CNBD1: variants seen among roughly 807,000 people sequenced by gnomAD.
CNBD1 encodes cyclic nucleotide-binding domain-containing protein 1.
In CNBD1, 71 loss-of-function variants were observed where a neutral mutation model predicts 54.4. The observed-to-expected ratio is 1.30, with a 90% confidence interval of 1.08 to 1.59. The LOEUF (loss-of-function observed/expected upper bound fraction) is 1.59, where lower values mean the gene tolerates loss of function less well. CNBD1 is among the 40% of genes most tolerant of loss of function. The pLI is 0.00. For synonymous variants in CNBD1, 182 were observed against 170.7 expected (o/e 1.07, Z -0.51); for missense variants, 659 against 518.0 (o/e 1.27, Z -2.64).
chr8:87,381,104 T>C (rs555975623), intron 10 of CNBD1, among the ~76,000 whole-genome samples: 1 of 152,114 alleles, frequency 6.6e-6, no homozygotes, highest in African/African-American at 2.4e-5. Flanking sequence ...AGGCAACCTA[T>C]AGAATGGGAG....
chr8:87,294,957 AT>A (rs777610397), intron 8 of CNBD1, among the ~76,000 whole-genome samples: 7 of 151,076 alleles, frequency 4.6e-5, no homozygotes, highest in Admixed American at 1.3e-4. Flanking sequence ...TTCTGTGACA[AT>A]TTTTTTTTAC....
At chr8:87,116,900 C>G (rs1225515330) in intron 4 of CNBD1, among the ~76,000 whole-genome samples, 1 of 152,134 alleles carries the variant, frequency 6.6e-6, no homozygotes, top group Non-Finnish European at 1.5e-5. Context: ...CCCCTATTTT[C>G]TTAACAGTTC....
intron 5 of CNBD1, among the ~76,000 whole-genome samples, chr8:87,208,825 G>A (rs1021064810): frequency 4.6e-5 from 7 of 151,640 alleles, no homozygotes; most frequent in Non-Finnish European, 1.0e-4. Flanking sequence ...CCACTTTTAT[G>A]AGATTGTATC....
In CNBD1 at chr8:87,043,630, A is replaced by G. The variant is rs1042714303; in HGVS notation, c.431+103876A>G. On this transcript the variant is annotated intron_variant, in intron 4 of 10. Coordinates refer to ENST00000518476, the MANE Select transcript of CNBD1 (RefSeq NM_173538.3). ...GAAACAGCTCTGCTATATGCTCATC[A>G]CATAGGAGCTGTAGCTAACCAGCAG... Among the ~76,000 whole-genome samples, 17 of 152,246 alleles carry G rather than the reference A, an allele frequency of 1.1e-4. No homozygotes were observed. The East Asian group carries it at 3.3e-3, about 29-fold the overall frequency.
chr8:87,354,038 G>A (rs778831292), intron 10 of CNBD1, among the ~76,000 whole-genome samples: 4 of 152,016 alleles, frequency 2.6e-5, no homozygotes, highest in Non-Finnish European at 5.9e-5. Context: ...ACTTGATGCC[G>A]AGGTTTGATG....
chr8:87,248,728 A>T (rs1807856434), intron 6 of CNBD1, among the ~76,000 whole-genome samples: 1 of 152,194 alleles, frequency 6.6e-6, no homozygotes, highest in Admixed American at 6.5e-5. Context: ...GCAGTCACAG[A>T]GTCTTTTGAT....
intron 8 of CNBD1, among the ~76,000 whole-genome samples, chr8:87,306,053 C>T (rs1027471851): frequency 1.3e-5 from 2 of 151,882 alleles, no homozygotes; most frequent in Non-Finnish European, 2.9e-5. Context: ...TCAAATACAA[C>T]AGTAAGAAAA....
Position 86,866,453 on chromosome 8 carries a change from C to T in CNBD1, c.-43C>T. 6.8e-7 allele frequency: 1 copy of T among 1,464,948 alleles called. No individual in the cohort carries two copies. Among genetic ancestry groups the T allele is most frequent in the Non-Finnish European group, 9.5e-7 (1 of 1,056,788 alleles). The allele number at this position is 1,464,948 out of a possible 1,614,324, so 90.7% of individuals were successfully genotyped here. A position where few individuals can be genotyped will look rare whatever the true frequency, so the allele number is the denominator to read the frequency against. On this transcript the variant is annotated 5_prime_UTR_variant, in exon 1 of 11. Transcript: ENST00000518476. Reference sequence around the variant, plus strand: ...GCAGGCAAAGAGTGATCATTTGCCTCTCAAGCAGCCTCTGGTCATCTATCT... The same window carrying T: ...GCAGGCAAAGAGTGATCATTTGCCTTTCAAGCAGCCTCTGGTCATCTATCT...
At chr8:87,308,712 T>C (rs1809205563) in intron 8 of CNBD1, among the ~76,000 whole-genome samples, 1 of 152,174 alleles carries the variant, frequency 6.6e-6, no homozygotes. Context: ...ACTATAATTT[T>C]GTACCCATTA....
chr8:87,160,010 A>G (rs1471150523), intron 4 of CNBD1, among the ~76,000 whole-genome samples: 1 of 151,980 alleles, frequency 6.6e-6, no homozygotes, highest in African/African-American at 2.4e-5. Context: ...GAAGCCTCAT[A>G]TCTGATGTTT....
chr8:87,128,588 A>G (rs901032396), intron 4 of CNBD1, among the ~76,000 whole-genome samples: 1 of 152,148 alleles, frequency 6.6e-6, no homozygotes, highest in Non-Finnish European at 1.5e-5. Flanking sequence ...TGTGATGGAT[A>G]ATGGATTTGA....
At chr8:87,422,922 C>G (rs1001916062) in intron 2 of CNBD1, among the ~76,000 whole-genome samples, 1 of 151,952 alleles carries the variant, frequency 6.6e-6, no homozygotes, top group Non-Finnish European at 1.5e-5. Context: ...AATGTTCTTC[C>G]GTTTGTTTGT....
At chr8:87,034,260 T>C (rs1024372444) in intron 4 of CNBD1, among the ~76,000 whole-genome samples, 10 of 152,242 alleles carry the variant, frequency 6.6e-5, no homozygotes, top group African/African-American at 2.4e-4. Context: ...TCCCAAGGTA[T>C]CATAATATCA....
At chr8:86,894,220 C>G (rs1369039613) in intron 2 of CNBD1, among the ~76,000 whole-genome samples, 3 of 149,052 alleles carry the variant, frequency 2.0e-5, no homozygotes, top group Non-Finnish European at 4.5e-5. Context: ...CGCCACCGCG[C>G]CCGGCTAATT....
chr8:87,018,949 A>G (rs1214954460), intron 4 of CNBD1, among the ~76,000 whole-genome samples: 2 of 152,154 alleles, frequency 1.3e-5, no homozygotes, highest in African/African-American at 4.8e-5. Context: ...TTTTGCATCC[A>G]CCCCAACCAT....
intron 4 of CNBD1, among the ~76,000 whole-genome samples, chr8:86,972,314 A>G (rs1246984087): frequency 1.3e-5 from 2 of 152,150 alleles, no homozygotes; most frequent in Non-Finnish European, 2.9e-5. Flanking sequence ...TTTTTAATGT[A>G]TTTTGTTTTA....
chr8:87,068,613 G>A (rs888316576), intron 4 of CNBD1, among the ~76,000 whole-genome samples: 1 of 152,012 alleles, frequency 6.6e-6, no homozygotes, highest in Non-Finnish European at 1.5e-5. Flanking sequence ...AAAAGCAAGG[G>A]ATATATAGTA....
At chr8:87,145,184 A>G (rs1160733277) in intron 4 of CNBD1, among the ~76,000 whole-genome samples, 16 of 152,208 alleles carry the variant, frequency 1.1e-4, no homozygotes, top group Non-Finnish European at 5.9e-5. Context: ...GAAAATTGTC[A>G]AAGCAGCCAG....
At chr8:87,200,239 A>G (rs374329650) in intron 4 of CNBD1, among the ~76,000 whole-genome samples, 1 of 152,094 alleles carries the variant, frequency 6.6e-6, no homozygotes, top group Non-Finnish European at 1.5e-5. Flanking sequence ...CTGTTAATCT[A>G]CTCACAGAAG....
Sources: allele counts gnomAD v4.1 joint callset (sites outside exome capture counted in the v4.1 genomes callset), GRCh38; gene constraint gnomAD v4.1.1; transcripts MANE v1.5; gene names NCBI Gene and HGNC (gene_info 2026-07-23, HGNC 2026-07-21).